Variants in ERN2 observed in about 807,000 individuals in gnomAD.
ERN2 encodes the protein endoplasmic reticulum to nucleus signaling 2.
ERN2 carries 111 observed loss-of-function variants against 107.9 expected under a neutral mutation model. That is an observed-to-expected ratio of 1.03 (90% CI 0.88 to 1.20). ERN2 has a LOEUF of 1.20. Ranked by LOEUF, ERN2 falls within the 50% of genes most tolerant of loss-of-function variation. The pLI is 0.00. For missense variants in ERN2, 1,225 were observed against 1,197.9 expected (o/e 1.02, Z -0.33); for synonymous variants, 524 against 501.7 (o/e 1.04, Z -0.59).
chr16:23,700,821 C>G (rs1960031919), intron 12 of ERN2, 117 bp from the exon 13 acceptor site: 1 of 1,471,954 alleles, frequency 6.8e-7, no homozygotes, highest in Non-Finnish European at 9.2e-7. Context: ...AGCAAGATCG[C>G]AGGGGCCTGG....
chr16:23,710,036 C>A, intron 4 of ERN2, 136 bp downstream of exon 4: 1 of 648,738 alleles, frequency 1.5e-6, no homozygotes, highest in Non-Finnish European at 2.8e-6. Context: ...AGACAGCCTT[C>A]TCACAATGTG....
Position 23,694,929 on chromosome 16 carries a change from T to G in ERN2, c.1901-2A>C. On this transcript the variant is annotated splice_acceptor_variant, in intron 16 of 21. Coordinates refer to ENST00000256797, the MANE Select transcript of ERN2 (RefSeq NM_033266.4). LOFTEE classifies it high-confidence loss of function. ...TTCCTGGCTTCAGGTCCCGGTGCACTGTGGGAGAGGGGCAGAAAGAAAGCT... is the reference window on the plus strand; with the variant it reads ...TTCCTGGCTTCAGGTCCCGGTGCACGGTGGGAGAGGGGCAGAAAGAAAGCT... 2 of 1,614,022 alleles carry G rather than the reference T, an allele frequency of 1.2e-6. No individual in the cohort carries two copies. Among genetic ancestry groups the G allele is most frequent in the South Asian group, 2.2e-5 (2 of 91,060 alleles).
At chr16:23,709,289 G>A in intron 4 of ERN2, 2 of 362,774 alleles carry the variant, frequency 5.5e-6, no homozygotes, top group Admixed American at 3.7e-5. Flanking sequence ...ATAATGAGAT[G>A]CTGTCTTTAA....
chr16:23,701,129 C>G lies in ERN2; in HGVS notation c.1204-15G>C. ...AGGCTCAATAGCTGGGGATAAAGGGCCCTTCACTTTTAGCACCCCCTTCCA... is the reference window on the plus strand; with the variant it reads ...AGGCTCAATAGCTGGGGATAAAGGGGCCTTCACTTTTAGCACCCCCTTCCA... On this transcript the variant is annotated splice_polypyrimidine_tract_variant and intron_variant, in intron 11 of 21. Transcript: ENST00000256797. 2 of 1,609,568 alleles carry G rather than the reference C, an allele frequency of 1.2e-6. No individual in the cohort carries two copies. The highest frequency in any genetic ancestry group is 1.7e-6 in the Non-Finnish European group (2 of 1,178,058).
chr16:23,706,676 G>T, intron 6 of ERN2, 78 bp downstream of exon 6: 1 of 1,007,142 alleles, frequency 9.9e-7, no homozygotes, highest in Non-Finnish European at 1.5e-6. Context: ...AATTCAACTT[G>T]GTTAGCCACA....
At chr16:23,710,146 A>T (rs376988863) in intron 4 of ERN2, 26 bp downstream of exon 4, 13 of 1,570,184 alleles carry the variant, frequency 8.3e-6, no homozygotes, top group Non-Finnish European at 1.1e-5. Flanking sequence ...GCTCTCACCC[A>T]TTCCCGAACA....
chr16:23,692,641 T>G (rs1412210518), intron 17 of ERN2, among the ~76,000 whole-genome samples: 1 of 152,150 alleles, frequency 6.6e-6, no homozygotes, highest in Non-Finnish European at 1.5e-5. Flanking sequence ...AGGACTGTGG[T>G]GACCTGGCAT....
At chr16:23,709,325 G>T (rs887367408) in intron 4 of ERN2, 3 of 338,632 alleles carry the variant, frequency 8.9e-6, no homozygotes, top group Non-Finnish European at 1.8e-5. Flanking sequence ...TAAAAAAAAG[G>T]AATTCCGACA....
At chr16:23,700,290 T>C (rs551570708) in intron 13 of ERN2, among the ~76,000 whole-genome samples, 2 of 152,266 alleles carry the variant, frequency 1.3e-5, no homozygotes, top group East Asian at 1.9e-4. Flanking sequence ...TGAGCTATGA[T>C]TGTGCCACTG....
chr16:23,692,395 T>G, intron 17 of ERN2, 64 bp from the exon 18 acceptor site: 1 of 1,574,188 alleles, frequency 6.4e-7, no homozygotes, highest in South Asian at 1.1e-5. Flanking sequence ...CCTGGCTAAA[T>G]TCTCCCATGG....
In ERN2 at chr16:23,700,696, C is replaced by T. The variant is rs149574502; in HGVS notation, c.1368G>A (p.Pro456=). ...TCTCCTGCTGCTTCTCCACCACCTG[C>T]GGCTGTTGCTGTAACATGAGAGCCT... is the stretch of plus-strand genomic sequence containing the variant. ...WILFVMRQQQ[P]QVVEKQQETP... Residue 456 remains proline (P), a synonymous_variant, in exon 13 of 22, where the codon CCG becomes CCA. Coordinates refer to ENST00000256797, the MANE Select transcript of ERN2 (RefSeq NM_033266.4). The T allele has an allele frequency of 1.2e-3, 1,969 of 1,612,182 alleles. 28 individuals carry two copies. The Middle Eastern group carries it at 0.017, about 14-fold the overall frequency.
chr16:23,707,363 C>CA, intron 4 of ERN2: 1 of 425,764 alleles, frequency 2.3e-6, no homozygotes, highest in Non-Finnish European at 4.4e-6. Flanking sequence ...TTCCCACACC[C>CA]AGTGTCAAGG....
At position 23,701,032 on chromosome 16, in the gene ERN2, C is replaced by T. The variant is rs1597149522; in HGVS notation, c.1286G>A (p.Gly429Glu). The T allele has an allele frequency of 6.2e-7, 1 of 1,614,016 alleles. No individual in the cohort carries two copies. Among genetic ancestry groups the T allele is most frequent in the Non-Finnish European group, 8.5e-7 (1 of 1,179,874 alleles). The change falls in exon 12 of 22, where the codon GGA becomes GAA. Residue 429 changes from glycine (G) to glutamate (E), a missense_variant. By Grantham distance (98) the Gly-to-Glu change is moderately conservative (BLOSUM62 -2). Coordinates refer to ENST00000256797, the MANE Select transcript of ERN2 (RefSeq NM_033266.4). ...EKTPDSYLGL[G>E]PQDLLAASLT... ...GCTAGCTGCCAGCAGGTCTTGGGGTCCCAGCCCCAAGTAAGAGTCTGGAGT... is the reference window on the plus strand; with the variant it reads ...GCTAGCTGCCAGCAGGTCTTGGGGTTCCAGCCCCAAGTAAGAGTCTGGAGT...
At chr16:23,702,071 G>T in intron 11 of ERN2, 81 bp downstream of exon 11, 2 of 1,443,576 alleles carry the variant, frequency 1.4e-6, no homozygotes, top group Non-Finnish European at 1.9e-6. Flanking sequence ...ATTCTTAGCA[G>T]CCCGAGGAAA....
At position 23,700,641 on chromosome 16, in the gene ERN2, T is replaced by C. The variant is rs1373565707; in HGVS notation, c.1423A>G (p.Ile475Val). 1 of 1,614,030 alleles carries C rather than the reference T, an allele frequency of 6.2e-7. No homozygotes were observed. The highest frequency in any genetic ancestry group is 8.5e-7 in the Non-Finnish European group (1 of 1,180,016). Reference protein sequence around the residue: ...TPLAPADFAHISQDAQSLHSG... With the variant: ...TPLAPADFAHVSQDAQSLHSG... ...TGCAGGGACTGGGCATCCTGGGAGA[T>C]GTGAGCAAAGTCTGCAGGTGCCAGG... Residue 475 changes from isoleucine to valine, a missense_variant, in exon 13 of 22, where the codon ATC becomes GTC. Ile to Val is a conservative substitution (Grantham distance 29, BLOSUM62 3). Coordinates refer to ENST00000256797, the MANE Select transcript of ERN2 (RefSeq NM_033266.4).
intron 8 of ERN2, among the ~76,000 whole-genome samples, chr16:23,702,921 G>A (rs899558413): frequency 2.6e-5 from 4 of 151,954 alleles, no homozygotes; most frequent in African/African-American, 9.7e-5. Flanking sequence ...TTTAGACCCT[G>A]AGACCACCGT....
At chr16:23,706,176 G>A (rs1378408703) in intron 7 of ERN2, 154 bp downstream of exon 7, 2 of 573,620 alleles carry the variant, frequency 3.5e-6, no homozygotes, top group Non-Finnish European at 6.2e-6. Context: ...AGTCACTTGG[G>A]GTCAGCCATC....
chr16:23,696,262 A>T (rs568349679), intron 13 of ERN2, among the ~76,000 whole-genome samples: 8 of 152,364 alleles, frequency 5.3e-5, no homozygotes, highest in African/African-American at 1.9e-4. Context: ...TATTATTGTG[A>T]GGATTAAATG....
At chr16:23,704,719 C>T (rs1960225060) in intron 8 of ERN2, among the ~76,000 whole-genome samples, 164 bp downstream of exon 8, 1 of 152,170 alleles carries the variant, frequency 6.6e-6, no homozygotes, top group South Asian at 2.1e-4. Flanking sequence ...GCAGAGGACA[C>T]TGGTTATTTA....
Sources: gnomAD v4.1 joint callset for allele counts (sites outside exome capture counted in the v4.1 genomes callset) on GRCh38, gnomAD v4.1.1 for gene constraint, MANE v1.5 for transcripts, NCBI Gene and HGNC (gene_info 2026-07-23, HGNC 2026-07-21) for gene names.